Variants in GRM7 observed in about 807,000 individuals in gnomAD.
The protein encoded by GRM7 is metabotropic glutamate receptor 7.
GRM7 carries 35 observed loss-of-function variants against 84.5 expected under a neutral mutation model. The ratio of observed to expected loss-of-function variants is 0.41; its 90% confidence interval spans 0.32 to 0.55. The LOEUF is 0.55. GRM7 is among the 20% of genes least tolerant of loss of function. GRM7 has a pLI of 0.19. For synonymous variants in GRM7, 487 were observed against 455.1 expected, an observed-to-expected ratio of 1.07 and a Z score of -0.89; for missense variants, 1,003 against 1,194.6, an observed-to-expected ratio of 0.84 and a Z score of 2.36.
intron 4 of GRM7, among the ~76,000 whole-genome samples, chr3:7,383,995 A>G (rs1158441454): frequency 6.6e-6 from 1 of 152,140 alleles, no homozygotes; most frequent in Non-Finnish European, 1.5e-5. Flanking sequence ...TGAAATTTTA[A>G]TGACATTTTA....
At chr3:7,311,713 C>A (rs1212246445) in intron 4 of GRM7, among the ~76,000 whole-genome samples, 1 of 151,948 alleles carries the variant, frequency 6.6e-6, no homozygotes, top group Non-Finnish European at 1.5e-5. Flanking sequence ...CCTGCCTCAG[C>A]CTCCCTGAGT....
intron 8 of GRM7, among the ~76,000 whole-genome samples, chr3:7,593,869 C>G (rs1402644729): frequency 6.6e-6 from 1 of 151,690 alleles, no homozygotes; most frequent in Non-Finnish European, 1.5e-5. Flanking sequence ...TCAGGGAGGC[C>G]AGATAGAAGT....
At chr3:6,974,561 G>A (rs1036199106) in intron 1 of GRM7, among the ~76,000 whole-genome samples, 3 of 152,160 alleles carry the variant, frequency 2.0e-5, no homozygotes, top group Non-Finnish European at 4.4e-5. Context: ...CTGCTGAAGA[G>A]GAGCCTCTTG....
At chr3:6,946,635 A>G (rs1045435734) in intron 1 of GRM7, among the ~76,000 whole-genome samples, 14 of 152,282 alleles carry the variant, frequency 9.2e-5, no homozygotes, top group East Asian at 7.7e-4. Flanking sequence ...CATTGAATCT[A>G]TAAATTACCT....
At chr3:7,550,808 TG>T (rs1693431793) in intron 7 of GRM7, among the ~76,000 whole-genome samples, 1 of 152,036 alleles carries the variant, frequency 6.6e-6, no homozygotes, top group African/African-American at 2.4e-5. Context: ...TGTAGTTGGA[TG>T]GTGCGTACTC....
intron 1 of GRM7, among the ~76,000 whole-genome samples, chr3:6,989,715 T>C (rs777708424): frequency 5.3e-5 from 8 of 152,364 alleles, no homozygotes; most frequent in Admixed American, 1.3e-4. Context: ...GAGCCGATAA[T>C]TCACATGGCT....
At chr3:7,459,613 G>T (rs1698157540) in intron 6 of GRM7, among the ~76,000 whole-genome samples, 1 of 152,068 alleles carries the variant, frequency 6.6e-6, no homozygotes, top group African/African-American at 2.4e-5. Context: ...CCCTTTTAAA[G>T]ACATCAGATC....
intron 5 of GRM7, among the ~76,000 whole-genome samples, chr3:7,423,898 A>G (rs1034144751): frequency 2.6e-5 from 4 of 152,104 alleles, no homozygotes; most frequent in Non-Finnish European, 5.9e-5. Flanking sequence ...TTTAAATAGT[A>G]TTTATTGTTT....
intron 2 of GRM7, among the ~76,000 whole-genome samples, chr3:7,245,149 A>T (rs921423015): frequency 6.6e-6 from 1 of 152,194 alleles, no homozygotes; most frequent in Non-Finnish European, 1.5e-5. Context: ...GAAAAATTTA[A>T]AAAACAAATA....
chr3:6,945,838 T>G (rs1698057827), intron 1 of GRM7, among the ~76,000 whole-genome samples: 1 of 152,222 alleles, frequency 6.6e-6, no homozygotes, highest in African/African-American at 2.4e-5. Context: ...TTTTCATGTG[T>G]TTTTTGGCTG....
chr3:7,303,453 A>G (rs2125029040), intron 3 of GRM7, among the ~76,000 whole-genome samples: 1 of 151,868 alleles, frequency 6.6e-6, no homozygotes, highest in South Asian at 2.1e-4. Flanking sequence ...AATTTTAAAT[A>G]TTATCTAATT....
At chr3:6,865,425 G>A (rs914348909) in intron 1 of GRM7, among the ~76,000 whole-genome samples, 4 of 152,036 alleles carry the variant, frequency 2.6e-5, no homozygotes, top group African/African-American at 9.7e-5. Flanking sequence ...TGACTTGAGA[G>A]CAAACACTCC....
intron 1 of GRM7, among the ~76,000 whole-genome samples, chr3:7,003,769 C>T (rs1369706611): frequency 2.0e-5 from 3 of 152,250 alleles, no homozygotes; most frequent in East Asian, 1.9e-4. Flanking sequence ...ATGAAGTTCC[C>T]CTTAAATGTA....
intron 1 of GRM7, among the ~76,000 whole-genome samples, chr3:6,904,706 A>G (rs1393364824): frequency 3.3e-5 from 5 of 151,250 alleles, no homozygotes; most frequent in Admixed American, 6.6e-5. Flanking sequence ...TTTAATCATC[A>G]TGACTTCCTT....
intron 8 of GRM7, among the ~76,000 whole-genome samples, chr3:7,580,916 T>C (rs1164764144): frequency 5.3e-5 from 8 of 152,086 alleles, no homozygotes; most frequent in Non-Finnish European, 2.9e-5. Context: ...AAATATGTGC[T>C]CGTAAGTTGA....
intron 7 of GRM7, among the ~76,000 whole-genome samples, chr3:7,511,006 C>T (rs993611279): frequency 2.0e-5 from 3 of 152,098 alleles, no homozygotes; most frequent in Non-Finnish European, 2.9e-5. Context: ...GCAACAAGAC[C>T]TTAGGGTGGT....
At chr3:7,593,211 A>T (rs943931339) in intron 8 of GRM7, among the ~76,000 whole-genome samples, 4 of 152,174 alleles carry the variant, frequency 2.6e-5, no homozygotes, top group African/African-American at 9.7e-5. Context: ...GTACAGTTTT[A>T]TCAGGTAGCA....
At chr3:7,021,421 G>A (rs1313529158) in intron 1 of GRM7, among the ~76,000 whole-genome samples, 1 of 152,158 alleles carries the variant, frequency 6.6e-6, no homozygotes, top group Admixed American at 6.5e-5. Flanking sequence ...AAGTTATACT[G>A]GACTTTGAGG....
intron 7 of GRM7, among the ~76,000 whole-genome samples, chr3:7,536,200 C>G (rs1413114930): frequency 6.6e-6 from 1 of 152,046 alleles, no homozygotes; most frequent in African/African-American, 2.4e-5. Flanking sequence ...TTTGGGTTTC[C>G]GAATAAGTTT....
Sources: allele counts gnomAD v4.1 joint callset (sites outside exome capture counted in the v4.1 genomes callset), GRCh38; gene constraint gnomAD v4.1.1; transcripts MANE v1.5; gene names NCBI Gene and HGNC (gene_info 2026-07-23, HGNC 2026-07-21).